The following EXOC6 variants were observed in gnomAD, a reference collection of about 807,000 sequenced individuals.
EXOC6 encodes exocyst complex component 6.
EXOC6 carries 60 observed loss-of-function variants against 112.5 expected under a neutral mutation model. That is an observed-to-expected ratio of 0.53 (90% CI 0.43 to 0.66). The LOEUF (loss-of-function observed/expected upper bound fraction) is 0.66, where lower values mean the gene tolerates loss of function less well. EXOC6 is among the 30% of genes least tolerant of loss of function. EXOC6 has a pLI of 0.00. For synonymous variants in EXOC6, 295 were observed against 308.0 expected (o/e 0.96, Z 0.44); for missense variants, 855 against 957.1 (o/e 0.89, Z 1.41).
intron 20 of EXOC6, among the ~76,000 whole-genome samples, chr10:93,048,772 A>AAG (rs1564939098): frequency 1.3e-5 from 2 of 151,184 alleles, no homozygotes; most frequent in South Asian, 4.2e-4. Flanking sequence ...AAAAAAAAAA[A>AAG]GAATTTATTA....
intron 4 of EXOC6, among the ~76,000 whole-genome samples, chr10:92,899,108 T>A (rs1417138965): frequency 1.3e-5 from 2 of 152,198 alleles, no homozygotes; most frequent in Non-Finnish European, 2.9e-5. Flanking sequence ...TTTTGACGTT[T>A]TTCTTTCTTT....
At chr10:92,848,400 C>A, upstream of EXOC6, 1 of 603,570 alleles carries the variant, frequency 1.7e-6, no homozygotes, top group Non-Finnish European at 2.1e-6. Context: ...TTCTGCCCGG[C>A]GTTCCGCGCG....
intron 18 of EXOC6, among the ~76,000 whole-genome samples, chr10:92,975,039 G>T (rs998388478): frequency 6.6e-6 from 1 of 151,858 alleles, no homozygotes; most frequent in African/African-American, 2.4e-5. Context: ...TGTCTGGGAC[G>T]TGAGGAGCCC....
upstream of EXOC6, chr10:92,848,438 G>A: frequency 6.1e-5 from 12 of 196,078 alleles, no homozygotes; most frequent in Middle Eastern, 2.3e-3. Flanking sequence ...CGAGCGCCCC[G>A]CCCCCGCCCC....
At chr10:92,885,837 T>G (rs1849186988) in intron 1 of EXOC6, among the ~76,000 whole-genome samples, 6 of 152,184 alleles carry the variant, frequency 3.9e-5, no homozygotes, top group Admixed American at 3.9e-4. Context: ...TATTTATTTA[T>G]TTATTTTACC....
intron 20 of EXOC6, among the ~76,000 whole-genome samples, chr10:93,029,602 A>G (rs2134285886): frequency 6.6e-6 from 1 of 152,266 alleles, no homozygotes; most frequent in Admixed American, 6.5e-5. Flanking sequence ...TTCACTCTTA[A>G]TAGTGTCTTT....
rs972676517 is a variant in EXOC6, at chr10:93,059,175, G to A, written c.*820G>A. 1 of 152,090 alleles carries A rather than the reference G, an allele frequency of 6.6e-6. No individual in the cohort carries two copies. The highest frequency in any genetic ancestry group is 2.4e-5 in the African/African-American group (1 of 41,396). The allele number at this position is 152,090 out of a possible 1,614,324, so 9.4% of individuals were successfully genotyped here. A position where few individuals can be genotyped will look rare whatever the true frequency, so the allele number is the denominator to read the frequency against. ...TCCTGCACACAGAAGTTACCACAGG[G>A]GTCAGGTTACTTTCTTCAAATAGCA... On this transcript the variant is annotated 3_prime_UTR_variant, in exon 22 of 22. Transcript: ENST00000260762.
intron 8 of EXOC6, among the ~76,000 whole-genome samples, chr10:92,925,658 ATTGT>A (rs1851673841): frequency 6.6e-6 from 1 of 150,770 alleles, no homozygotes; most frequent in African/African-American, 2.4e-5. Flanking sequence ...TTTTGTTGTT[ATTGT>A]TTGTTTGTTT....
At chr10:92,827,223 C>T (rs1205857987) in intron 1 of EXOC6, among the ~76,000 whole-genome samples, 1 of 151,380 alleles carries the variant, frequency 6.6e-6, no homozygotes, top group African/African-American at 2.4e-5. Context: ...ACCTGTAATC[C>T]CTCACTTTGG....
At chr10:93,011,241 A>G (rs912378487) in intron 19 of EXOC6, among the ~76,000 whole-genome samples, 4 of 151,128 alleles carry the variant, frequency 2.6e-5, no homozygotes, top group African/African-American at 9.7e-5. Context: ...AAAAAGGCCA[A>G]TAAAATGCTG....
intron 17 of EXOC6, among the ~76,000 whole-genome samples, chr10:92,959,505 T>C (rs760608655): frequency 2.0e-5 from 3 of 152,166 alleles, no homozygotes; most frequent in Non-Finnish European, 4.4e-5. Context: ...AAATAATTGA[T>C]AAACTGAACT....
chr10:92,863,901 C>T (rs184007081), intron 1 of EXOC6, among the ~76,000 whole-genome samples: 1,828 of 133,372 alleles, frequency 0.014, 36 homozygotes, highest in African/African-American at 0.051. Flanking sequence ...GGCGACGGAG[C>T]GAGACTCCAT....
At chr10:92,946,034 T>C (rs1375596219) in intron 13 of EXOC6, among the ~76,000 whole-genome samples, 1 of 151,920 alleles carries the variant, frequency 6.6e-6, no homozygotes, top group Non-Finnish European at 1.5e-5. Context: ...CTCACGCCAG[T>C]AATCCCAGCA....
intron 18 of EXOC6, among the ~76,000 whole-genome samples, chr10:92,978,022 C>G (rs371585613): frequency 3.3e-5 from 5 of 152,076 alleles, no homozygotes; most frequent in African/African-American, 1.2e-4. Flanking sequence ...ATAGATTTTT[C>G]TATAAAGGAA....
chr10:92,902,388 T>A (rs1589799093), intron 5 of EXOC6, among the ~76,000 whole-genome samples: 1 of 152,130 alleles, frequency 6.6e-6, no homozygotes, highest in African/African-American at 2.4e-5. Context: ...TATCTCTTCT[T>A]TGACATTTTA....
intron 14 of EXOC6, among the ~76,000 whole-genome samples, 194 bp downstream of exon 14, chr10:92,948,573 C>CACTACTACTACTACTACTACTACT (rs71028860): frequency 7.1e-6 from 1 of 140,174 alleles, no homozygotes; most frequent in Non-Finnish European, 1.5e-5. Context: ...CTACTACTAC[C>CACTACTACTACTACTACTACTACT]ACTACTACTA....
chr10:92,896,067 A>ATGTGTATATATATGTGTATATATATATG (rs1849746504), intron 4 of EXOC6, among the ~76,000 whole-genome samples: 1 of 54,200 alleles, frequency 1.8e-5, no homozygotes, highest in Non-Finnish European at 3.5e-5. Flanking sequence ...GTGTATATAT[A>ATGTGTATATATATGTGTATATATATATG]TGTGTATATA....
At chr10:93,003,512 T>C (rs950330819) in intron 19 of EXOC6, among the ~76,000 whole-genome samples, 1 of 152,206 alleles carries the variant, frequency 6.6e-6, no homozygotes, top group Non-Finnish European at 1.5e-5. Flanking sequence ...TTAAATTAGC[T>C]TGAGCTAAAA....
intron 20 of EXOC6, among the ~76,000 whole-genome samples, chr10:93,049,235 A>AT (rs943751979): frequency 9.2e-5 from 14 of 151,482 alleles, no homozygotes; most frequent in African/African-American, 2.9e-4. Context: ...TTTTTTATAT[A>AT]TTTTTTTAGT....
Sources: allele counts gnomAD v4.1 joint callset (sites outside exome capture counted in the v4.1 genomes callset), GRCh38; gene constraint gnomAD v4.1.1; transcripts MANE v1.5; gene names NCBI Gene and HGNC (gene_info 2026-07-23, HGNC 2026-07-21).